NAALADL2: variants seen among roughly 807,000 people sequenced by gnomAD.
The protein encoded by NAALADL2 is N-acetylated alpha-linked acidic dipeptidase like 2.
In NAALADL2, 76 loss-of-function variants were observed where a neutral mutation model predicts 87.2. The ratio of observed to expected loss-of-function variants is 0.87; its 90% CI spans 0.72 to 1.05. The LOEUF (loss-of-function observed/expected upper bound fraction) is 1.05. Among genes scored for constraint, NAALADL2 ranks in the 50% least tolerant of loss-of-function variants. The pLI, the probability that NAALADL2 is intolerant of heterozygous loss-of-function variation, is 0.00. For missense variants in NAALADL2, 1,089 were observed against 945.8 expected (o/e 1.15, Z -1.99); for synonymous variants, 354 against 331.0 (o/e 1.07, Z -0.75).
At chr3:174,748,317 AT>A (rs1734479843) in intron 3 of NAALADL2, among the ~76,000 whole-genome samples, 1 of 139,652 alleles carries the variant, frequency 7.2e-6, no homozygotes, top group Non-Finnish European at 1.5e-5. Context: ...GAACTTAAAA[AT>A]AAATTACATT....
At chr3:175,079,126 T>C (rs1325414576) in intron 1 of NAALADL2, among the ~76,000 whole-genome samples, 1 of 152,218 alleles carries the variant, frequency 6.6e-6, no homozygotes, top group Non-Finnish European at 1.5e-5. Flanking sequence ...ACTACCTTAG[T>C]GAGTGTGAAT....
chr3:175,325,573 A>C (rs1228475661), intron 5 of NAALADL2, among the ~76,000 whole-genome samples: 1 of 152,172 alleles, frequency 6.6e-6, no homozygotes, highest in African/African-American at 2.4e-5. Context: ...CAGTGAACTC[A>C]CTGTGGCAAG....
chr3:175,809,830 G>A lies in NAALADL2; in HGVS notation c.*6627G>A, dbSNP rs1755031865. 6.6e-6 allele frequency: 1 copy of A among 151,992 alleles called. No individual in the cohort carries two copies. Among genetic ancestry groups the A allele is most frequent in the Admixed American group, 6.6e-5 (1 of 15,230 alleles). 9.4% of individuals were successfully genotyped at this position (151,992 alleles called of 1,614,324 possible). A position where few individuals can be genotyped will look rare whatever the true frequency, so the allele number is the denominator to read the frequency against. ...CATTTAGATATGTAAGATTTTAGAA[G>A]TAAAATCTCAGTGGTATAACATTTA... On this transcript the variant is annotated 3_prime_UTR_variant, in exon 14 of 14. Coordinates refer to ENST00000454872, the MANE Select transcript of NAALADL2 (RefSeq NM_207015.3).
chr3:175,094,515 C>G (rs777712227), intron 1 of NAALADL2, among the ~76,000 whole-genome samples: 1 of 151,872 alleles, frequency 6.6e-6, no homozygotes, highest in Non-Finnish European at 1.5e-5. Flanking sequence ...ATCTGAATAG[C>G]TATCATTAAC....
Position 175,737,263 on chromosome 3 carries a change from A to G in NAALADL2, c.1897-43A>G, listed in dbSNP as rs1204306843. ...GAAAAACAAACAAATGAAAACTCCTAATTACTGAATGCTAGTATTTTCTTT... is the reference window on the plus strand; with the variant it reads ...GAAAAACAAACAAATGAAAACTCCTGATTACTGAATGCTAGTATTTTCTTT... On this transcript the variant is annotated intron_variant, in intron 11 of 13. Transcript: ENST00000454872. 6 of 1,126,372 alleles carry G rather than the reference A, an allele frequency of 5.3e-6. No homozygotes were observed. The Admixed American group carries it at 6.8e-5, about 13-fold the overall frequency. 69.8% of individuals were successfully genotyped at this position (1,126,372 alleles called of 1,614,324 possible).
At chr3:174,953,719 C>T (rs566664393) in intron 1 of NAALADL2, among the ~76,000 whole-genome samples, 5 of 151,988 alleles carry the variant, frequency 3.3e-5, no homozygotes, top group Admixed American at 6.6e-5. Flanking sequence ...TACTGTGTGC[C>T]ACACTCTGTT....
intron 13 of NAALADL2, among the ~76,000 whole-genome samples, chr3:175,781,238 G>A (rs1202101967): frequency 6.6e-6 from 1 of 152,112 alleles, no homozygotes; most frequent in East Asian, 1.9e-4. Context: ...GGATTTTGAT[G>A]AGTGTGTCTA....
chr3:175,258,987 A>T lies in NAALADL2; in HGVS notation c.939+2457A>T, dbSNP rs1750558687. Among the ~76,000 whole-genome samples the T allele has an allele frequency of 2.6e-5, 4 of 152,180 alleles. No individual in the cohort carries two copies. The South Asian group carries it at 8.3e-4, about 31-fold the overall frequency. On this transcript the variant is annotated intron_variant, in intron 4 of 13. Coordinates refer to ENST00000454872, the MANE Select transcript of NAALADL2 (RefSeq NM_207015.3). Reference sequence around the variant, plus strand: ...CCTTCACGCCTGTACTGAAATTGCCACTTGTAATGGTGACTCATTAGGCAG... The same window carrying T: ...CCTTCACGCCTGTACTGAAATTGCCTCTTGTAATGGTGACTCATTAGGCAG...
At chr3:175,145,775 T>C (rs1287576017) in intron 2 of NAALADL2, among the ~76,000 whole-genome samples, 1 of 152,128 alleles carries the variant, frequency 6.6e-6, no homozygotes, top group African/African-American at 2.4e-5. Flanking sequence ...GGATTTACTG[T>C]TCCTTATAAT....
At chr3:174,561,442 C>T (rs898753306) in intron 2 of NAALADL2, among the ~76,000 whole-genome samples, 11 of 151,908 alleles carry the variant, frequency 7.2e-5, no homozygotes, top group African/African-American at 1.7e-4. Flanking sequence ...CCTTGTGATC[C>T]ACCCTCCTCG....
At chr3:174,912,306 A>C (rs1733805438) in intron 1 of NAALADL2, among the ~76,000 whole-genome samples, 1 of 151,566 alleles carries the variant, frequency 6.6e-6, no homozygotes, top group Non-Finnish European at 1.5e-5. Context: ...TCCATGTTTT[A>C]AATTTTTTTT....
At chr3:175,513,241 A>G (rs1242929841) in intron 9 of NAALADL2, among the ~76,000 whole-genome samples, 2 of 152,194 alleles carry the variant, frequency 1.3e-5, no homozygotes, top group Non-Finnish European at 2.9e-5. Flanking sequence ...ATCCTAAAAG[A>G]AAAACGGTCT....
chr3:174,882,602 T>TATAC (rs1264300479), intron 1 of NAALADL2, among the ~76,000 whole-genome samples: 18 of 148,000 alleles, frequency 1.2e-4, no homozygotes, highest in African/African-American at 4.6e-4. Flanking sequence ...TATATACACA[T>TATAC]ACATATATGT....
At chr3:174,582,900 T>TC (rs1370430557) in intron 2 of NAALADL2, among the ~76,000 whole-genome samples, 1 of 152,102 alleles carries the variant, frequency 6.6e-6, no homozygotes, top group Admixed American at 6.6e-5. Flanking sequence ...TCATTTTTTT[T>TC]TGATACTTTT....
intron 3 of NAALADL2, among the ~76,000 whole-genome samples, chr3:175,243,911 A>G (rs553984242): frequency 6.6e-6 from 1 of 152,190 alleles, no homozygotes; most frequent in Admixed American, 6.5e-5. Context: ...GTTATTTTGA[A>G]ATATAAACCT....
intron 9 of NAALADL2, among the ~76,000 whole-genome samples, chr3:175,539,686 A>C (rs1711957033): frequency 6.6e-6 from 1 of 151,966 alleles, no homozygotes. Context: ...ACAGAATCAT[A>C]ATAGGGCTTT....
chr3:174,607,943 G>T (rs953788106), intron 2 of NAALADL2, among the ~76,000 whole-genome samples: 11 of 151,934 alleles, frequency 7.2e-5, no homozygotes, highest in Non-Finnish European at 1.6e-4. Context: ...AAATGTAAAA[G>T]AACAGAAATT....
chr3:175,097,425 T>A (rs1032381662), intron 2 of NAALADL2, 134 bp downstream of exon 2: 1 of 811,576 alleles, frequency 1.2e-6, no homozygotes, highest in Admixed American at 2.7e-5. Flanking sequence ...ACAACAAGAA[T>A]AGAAACTTCA....
chr3:175,523,762 G>A (rs1213912767), intron 9 of NAALADL2, among the ~76,000 whole-genome samples: 1 of 152,150 alleles, frequency 6.6e-6, no homozygotes, highest in Non-Finnish European at 1.5e-5. Flanking sequence ...GTGACGGAGC[G>A]AGTGGTTTGG....
Sources: allele counts gnomAD v4.1 joint callset (sites outside exome capture counted in the v4.1 genomes callset), GRCh38; gene constraint gnomAD v4.1.1; transcripts MANE v1.5; gene names NCBI Gene and HGNC (gene_info 2026-07-23, HGNC 2026-07-21).